The following NSD1 variants were observed in gnomAD, a reference collection of about 807,000 sequenced individuals.
NSD1 encodes the protein histone-lysine N-methyltransferase, H3 lysine-36 specific.
NSD1 carries 26 observed loss-of-function variants against 242.7 expected under a neutral mutation model. The ratio of observed to expected loss-of-function variants is 0.11; its 90% CI spans 0.08 to 0.15. The LOEUF is 0.15. Ranked by LOEUF, NSD1 falls within the 10% of genes least tolerant of loss-of-function variation. The pLI, the probability that NSD1 is intolerant of heterozygous loss-of-function variation, is 1.00. For missense variants in NSD1, 2,495 were observed against 3,272.8 expected, an observed-to-expected ratio of 0.76 and a Z score of 5.80; for synonymous variants, 1,106 against 1,178.1, an observed-to-expected ratio of 0.94 and a Z score of 1.25.
chr5:177,185,409 C>T (rs996862118), intron 2 of NSD1, among the ~76,000 whole-genome samples: 1 of 151,404 alleles, frequency 6.6e-6, no homozygotes, highest in Non-Finnish European at 1.5e-5. Flanking sequence ...ACCAGCCTGG[C>T]CAACATGGTG....
Position 177,257,261 on chromosome 5 carries a change from C to T in NSD1, c.4966+110C>T, listed in dbSNP as rs375044674. The stretch of plus-strand genomic sequence containing the variant: ...TTTTTTTTTTTTGGAGACAGAGTCT[C>T]GCTGTGTTGCCGAGGCTGGAGTGCA... On this transcript the variant is annotated intron_variant, in intron 13 of 22. Coordinates refer to ENST00000439151, the MANE Select transcript of NSD1 (RefSeq NM_022455.5). The T allele has an allele frequency of 1.6e-4, 152 of 934,058 alleles. 1 individual carries two copies. In the South Asian group the frequency reaches 1.8e-3, roughly 11 times the overall value. The allele number at this position is 934,058 out of a possible 1,614,324, so 57.9% of individuals were successfully genotyped here.
rs190979352 is a variant in NSD1 at position 177,155,771 on chromosome 5, C to T, written c.927+19741C>T. ...ACACAATCTCGGTTCACTGCAACCT[C>T]TGCCTCCTGGGTTAAGCAATTCTTC... is the stretch of plus-strand genomic sequence containing the variant. On this transcript the variant is annotated intron_variant, in intron 2 of 22. Transcript: ENST00000439151. Among the ~76,000 whole-genome samples the T allele has an allele frequency of 1.4e-3, 213 of 152,158 alleles. 3 individuals carry two copies. Among genetic ancestry groups the T allele is most frequent in the Non-Finnish European group, 1.2e-3 (79 of 68,020 alleles).
chr5:177,228,115 C>T (rs543875953), intron 5 of NSD1, among the ~76,000 whole-genome samples: 2 of 152,096 alleles, frequency 1.3e-5, no homozygotes, highest in Admixed American at 1.3e-4. Context: ...TCATTTTTCA[C>T]AGTGTCAATT....
At chr5:177,279,402 G>A (rs927781449) in intron 17 of NSD1, among the ~76,000 whole-genome samples, 1 of 152,158 alleles carries the variant, frequency 6.6e-6, no homozygotes, top group East Asian at 1.9e-4. Flanking sequence ...GGAGGCTGAG[G>A]CAGTAGAATG....
rs182549395 is a variant in NSD1, at chr5:177,236,033, A to G, written c.3921+88A>G. 2.2e-4 allele frequency: 313 copies of G among 1,426,848 alleles called. No individual in the cohort carries two copies. In the African/African-American group the frequency reaches 3.9e-3, roughly 18 times the overall value. 88.4% of individuals were successfully genotyped at this position (1,426,848 alleles called of 1,614,324 possible). ...TGTCATACTTTATCTTCATGAAACA[A>G]TAATTTCCTTAACTGAGATCTTGTT... On this transcript the variant is annotated intron_variant, in intron 6 of 22. Transcript: ENST00000439151.
At chr5:177,284,481 T>G (rs1759142739) in intron 20 of NSD1, among the ~76,000 whole-genome samples, 1 of 152,054 alleles carries the variant, frequency 6.6e-6, no homozygotes, top group Admixed American at 6.6e-5. Flanking sequence ...GACGGAGTCT[T>G]GCCGCTATGT....
intron 2 of NSD1, among the ~76,000 whole-genome samples, chr5:177,190,121 T>C (rs1181785441): frequency 1.3e-5 from 2 of 152,072 alleles, no homozygotes; most frequent in Non-Finnish European, 2.9e-5. Flanking sequence ...CATGCCCAGC[T>C]AATTTTTTAA....
rs773792979 is a variant in NSD1 at position 177,211,458 on chromosome 5, A to G, written c.3059A>G (p.Asn1020Ser). Reference protein sequence around the residue: ...KSRSDCVTRRNCGRSKPSSKL... With the variant: ...KSRSDCVTRRSCGRSKPSSKL... ...CGTTCAGACTGTGTTACTAGGCGCA[A>G]CTGTGGACGATCAAAGCCTTCATCC... The change falls in exon 5 of 23, where the codon AAC (asparagine) becomes AGC (serine). Residue 1020 changes from asparagine (N) to serine (S), a missense_variant. Asn to Ser is a conservative substitution (Grantham distance 46). Transcript: ENST00000439151. The G allele has an allele frequency of 1.9e-6, 3 of 1,614,048 alleles. No homozygotes were observed. Among genetic ancestry groups the G allele is most frequent in the South Asian group, 1.1e-5 (1 of 91,088 alleles).
intron 16 of NSD1, among the ~76,000 whole-genome samples, chr5:177,272,183 A>C (rs922936463): frequency 1.3e-5 from 2 of 150,478 alleles, no homozygotes; most frequent in African/African-American, 4.9e-5. Flanking sequence ...AATGAGACTA[A>C]TGGTGAATTG....
intron 14 of NSD1, among the ~76,000 whole-genome samples, chr5:177,261,236 A>ATTTTTT (rs10652091): frequency 8.0e-5 from 6 of 74,754 alleles, no homozygotes; most frequent in Non-Finnish European, 1.4e-4. Context: ...TGCCCCACTA[A>ATTTTTT]TTTTTTTTTT....
chr5:177,190,657 G>T (rs1024531604), intron 2 of NSD1, among the ~76,000 whole-genome samples: 1 of 151,570 alleles, frequency 6.6e-6, no homozygotes, highest in Non-Finnish European at 1.5e-5. Context: ...CTATATACAG[G>T]AGGAACTAAT....
Position 177,211,091 on chromosome 5 carries a change from C to G in NSD1, c.2692C>G (p.His898Asp), listed in dbSNP as rs760042432. Residue 898 changes from histidine to aspartate, a missense_variant, in exon 5 of 23, where the codon CAC becomes GAC. By Grantham distance (81) the His-to-Asp change is moderately conservative. This residue lies in a region of NSD1 where 121 missense variants were observed against 167.2 expected (regional missense o/e 0.72). Coordinates refer to ENST00000439151, the MANE Select transcript of NSD1 (RefSeq NM_022455.5). ...TTTCTCTTCTGCTTCTAGTCAGAAT[C>G]ACATACCTATTGAACCAGACTACAA... ...LLFSSASSQN[H>D]IPIEPDYKFS... The G allele has an allele frequency of 4.3e-6, 7 of 1,614,168 alleles. No homozygotes were observed. The South Asian group carries it at 6.6e-5, about 15-fold the overall frequency.
At chr5:177,257,380 G>A (rs1181757632) in intron 13 of NSD1, among the ~76,000 whole-genome samples, 4 of 151,890 alleles carry the variant, frequency 2.6e-5, no homozygotes, top group Non-Finnish European at 5.9e-5. Flanking sequence ...ACAGGCGCCT[G>A]CCACCATGCC....
rs186623190 is a variant in NSD1, at chr5:177,152,532, C to T, written c.927+16502C>T. 1.0e-3 allele frequency among the ~76,000 whole-genome samples: 145 copies of T among 140,524 alleles called. 2 individuals carry two copies. The highest frequency in any genetic ancestry group is 9.7e-3 in the Admixed American group (130 of 13,364). The allele number at this position is 140,524 out of a possible 152,430, so 92.2% of individuals were successfully genotyped here. A position where few individuals can be genotyped will look rare whatever the true frequency, so the allele number is the denominator to read the frequency against. ...TCTCCCTCTGTCGCCAGGTTCACTG[C>T]AAGCTCTGGCTCCCGGGTTCACGCC... is the stretch of plus-strand genomic sequence containing the variant. On this transcript the variant is annotated intron_variant, in intron 2 of 22. Coordinates refer to ENST00000439151, the MANE Select transcript of NSD1 (RefSeq NM_022455.5).
At chr5:177,187,086 C>A (rs1030715142) in intron 2 of NSD1, among the ~76,000 whole-genome samples, 3 of 146,132 alleles carry the variant, frequency 2.1e-5, no homozygotes, top group Non-Finnish European at 4.5e-5. Context: ...CTAATCGTTA[C>A]AATTGTGACT....
intron 13 of NSD1, among the ~76,000 whole-genome samples, chr5:177,259,296 T>G (rs910196059): frequency 6.6e-6 from 1 of 152,242 alleles, no homozygotes; most frequent in Non-Finnish European, 1.5e-5. Context: ...ATGGGTCTCA[T>G]AAGTAATTTC....
intron 2 of NSD1, among the ~76,000 whole-genome samples, chr5:177,188,850 A>G (rs1294892542): frequency 6.6e-6 from 1 of 152,174 alleles, no homozygotes; most frequent in Non-Finnish European, 1.5e-5. Flanking sequence ...ATTTTAAAAA[A>G]AAAATGCTTT....
intron 2 of NSD1, among the ~76,000 whole-genome samples, chr5:177,158,821 C>CAAAAAAAAA (rs57206832): frequency 3.7e-5 from 3 of 80,328 alleles, no homozygotes; most frequent in South Asian, 3.9e-4. Context: ...GACTTCATCT[C>CAAAAAAAAA]AAAAAAAAAA....
chr5:177,208,459 C>T (rs559101228), intron 4 of NSD1, among the ~76,000 whole-genome samples: 74 of 151,762 alleles, frequency 4.9e-4, no homozygotes, highest in African/African-American at 1.7e-3. Flanking sequence ...CCTGTTTTTT[C>T]TATATTCATC....
Sources: gnomAD v4.1 joint callset for allele counts (sites outside exome capture counted in the v4.1 genomes callset) on GRCh38, gnomAD v4.1.1 for gene constraint, gnomAD v4.1.1 regional missense constraint, MANE v1.5 for transcripts, NCBI Gene and HGNC (gene_info 2026-07-23, HGNC 2026-07-21) for gene names.